Variants in SHANK2 observed in about 807,000 individuals in gnomAD.
SHANK2 encodes the protein SH3 and multiple ankyrin repeat domains 2.
Under a neutral mutation model 133.7 loss-of-function variants are expected in SHANK2, and 43 were observed. The observed-to-expected ratio is 0.32, with a 90% CI of 0.25 to 0.41. The LOEUF (loss-of-function observed/expected upper bound fraction) is 0.41. SHANK2 is among the 10% of genes least tolerant of loss of function. SHANK2 has a pLI of 1.00. For synonymous variants in SHANK2, 1,017 were observed against 952.8 expected (o/e 1.07, Z -1.24); for missense variants, 1,994 against 2,235.8 (o/e 0.89, Z 2.18).
At chr11:70,647,802 T>G (rs77976318) in intron 17 of SHANK2, among the ~76,000 whole-genome samples, 4,820 of 152,224 alleles carry the variant, frequency 0.032, 106 homozygotes, top group Non-Finnish European at 0.048. Context: ...ACGAAGGTGG[T>G]GAACTCAGCA....
intron 2 of SHANK2, among the ~76,000 whole-genome samples, chr11:71,209,483 C>A (rs1350071668): frequency 6.6e-6 from 1 of 152,156 alleles, no homozygotes; most frequent in African/African-American, 2.4e-5. Context: ...GGGTGCTCCC[C>A]TTTGCATAGG....
At chr11:71,087,959 C>T (rs1403599986) in intron 8 of SHANK2, among the ~76,000 whole-genome samples, 3 of 152,170 alleles carry the variant, frequency 2.0e-5, no homozygotes, top group African/African-American at 7.2e-5. Context: ...AGAGACGCCT[C>T]TGTCCTGTGC....
Position 70,734,121 on chromosome 11 carries a change from C to A in SHANK2, c.1778-35358G>T, listed in dbSNP as rs1946348240. ...AGGAGGCACCCCCTGAGCCGCGCAT[C>A]TGGGAGGAGCAGGTGGAGTATGCAG... On this transcript the variant is annotated intron_variant, in intron 14 of 25. Transcript: ENST00000601538. Among the ~76,000 whole-genome samples, 6 of 152,220 alleles carry A rather than the reference C, an allele frequency of 3.9e-5. No homozygotes were observed. In the South Asian group the frequency reaches 1.0e-3, roughly 26 times the overall value.
intron 15 of SHANK2, among the ~76,000 whole-genome samples, chr11:70,684,289 G>A (rs1555019004): frequency 6.6e-6 from 1 of 152,154 alleles, no homozygotes; most frequent in East Asian, 1.9e-4. Flanking sequence ...TCCTGGCTGG[G>A]CACGGCGCAT....
At chr11:70,857,029 TC>T (rs1949182555) in intron 11 of SHANK2, among the ~76,000 whole-genome samples, 1 of 152,190 alleles carries the variant, frequency 6.6e-6, no homozygotes, top group Non-Finnish European at 1.5e-5. Flanking sequence ...TAACTTATGC[TC>T]TCTGCAACAG....
At chr11:70,550,974 G>T (rs1554977809) in intron 17 of SHANK2, among the ~76,000 whole-genome samples, 1 of 152,166 alleles carries the variant, frequency 6.6e-6, no homozygotes, top group Admixed American at 6.5e-5. Context: ...AGTGGTAAAC[G>T]CTCTCCAGGA....
chr11:70,544,576 A>G (rs1227150559), intron 17 of SHANK2, among the ~76,000 whole-genome samples: 2 of 151,934 alleles, frequency 1.3e-5, no homozygotes, highest in Non-Finnish European at 2.9e-5. Context: ...AGGAGGGGCC[A>G]CCCCGCCCTC....
intron 8 of SHANK2, among the ~76,000 whole-genome samples, chr11:71,077,466 T>C (rs1009393465): frequency 6.6e-6 from 1 of 152,286 alleles, no homozygotes; most frequent in Admixed American, 6.5e-5. Flanking sequence ...CGTAGGCGTG[T>C]TCCCAAGAGC....
At chr11:70,887,655 T>C (rs557471001) in intron 11 of SHANK2, among the ~76,000 whole-genome samples, 11 of 152,262 alleles carry the variant, frequency 7.2e-5, no homozygotes, top group Admixed American at 4.6e-4. Context: ...CCCTCCTCAG[T>C]AGCAGGGAGG....
At chr11:71,091,632 G>A (rs1555094034) in intron 8 of SHANK2, among the ~76,000 whole-genome samples, 1 of 152,122 alleles carries the variant, frequency 6.6e-6, no homozygotes, top group Admixed American at 6.5e-5. Context: ...ACCCTGGCCT[G>A]CAGCCTGCAC....
chr11:70,726,387 C>A lies in SHANK2; in HGVS notation c.1778-27624G>T, dbSNP rs376035923. Among the ~76,000 whole-genome samples, 215 of 149,014 alleles carry A rather than the reference C, an allele frequency of 1.4e-3. 3 individuals carry two copies. Among genetic ancestry groups the A allele is most frequent in the African/African-American group, 5.1e-3 (206 of 40,578 alleles). Reference sequence around the variant, plus strand: ...GGTGCACTTTGTTAATTCACCAATGCCTTATGGAGCTCACATGCCAGGCTC... The same window carrying A: ...GGTGCACTTTGTTAATTCACCAATGACTTATGGAGCTCACATGCCAGGCTC... On this transcript the variant is annotated intron_variant, in intron 14 of 25. Coordinates refer to ENST00000601538, the MANE Select transcript of SHANK2 (RefSeq NM_012309.5).
At position 70,487,050 on chromosome 11, in the gene SHANK2, G is replaced by C. The variant is rs782208566; in HGVS notation, c.3243C>G (p.Ala1081=). ...SLTVSSPFAA[A]IAGAVRDREK... Reference sequence around the variant, plus strand: ...CACGGTCGCGGACGGCTCCGGCGATGGCGGCGGCAAAGGGGCTGCTGACGG... The same window carrying C: ...CACGGTCGCGGACGGCTCCGGCGATCGCGGCGGCAAAGGGGCTGCTGACGG... Residue 1081 remains alanine, a synonymous_variant, in exon 25 of 26, where the codon GCC becomes GCG. Coordinates refer to ENST00000601538, the MANE Select transcript of SHANK2 (RefSeq NM_012309.5). This position sits in a 1 kb window ranked among gnomAD's most constrained non-coding sequence, Gnocchi z 5.8. The C allele has an allele frequency of 8.7e-6, 14 of 1,608,958 alleles. No individual in the cohort carries two copies. Among genetic ancestry groups the C allele is most frequent in the Non-Finnish European group, 1.1e-5 (13 of 1,179,662 alleles).
At chr11:71,172,544 G>A (rs1953336701) in intron 2 of SHANK2, among the ~76,000 whole-genome samples, 2 of 147,756 alleles carry the variant, frequency 1.4e-5, no homozygotes, top group African/African-American at 2.5e-5. Context: ...GTTGCAGTGA[G>A]CTGAGATCGC....
intron 17 of SHANK2, among the ~76,000 whole-genome samples, chr11:70,626,246 G>A (rs184209179): frequency 1.6e-4 from 24 of 152,260 alleles, no homozygotes; most frequent in Non-Finnish European, 2.1e-4. Context: ...CATTTCAAAC[G>A]TTTTCTTTTA....
At chr11:71,153,904 A>C (rs1952850699) in intron 2 of SHANK2, among the ~76,000 whole-genome samples, 5 of 152,144 alleles carry the variant, frequency 3.3e-5, no homozygotes, top group Admixed American at 3.3e-4. Flanking sequence ...TGGGAGGCGG[A>C]GTTTGTAGTG....
intron 17 of SHANK2, among the ~76,000 whole-genome samples, chr11:70,609,205 G>A (rs1160272489): frequency 1.3e-5 from 2 of 152,340 alleles, no homozygotes; most frequent in African/African-American, 2.4e-5. Flanking sequence ...GCTCCGGGAC[G>A]GCCCACCCAA....
At chr11:70,885,868 C>T (rs536059395) in intron 11 of SHANK2, among the ~76,000 whole-genome samples, 13 of 152,276 alleles carry the variant, frequency 8.5e-5, no homozygotes, top group African/African-American at 2.9e-4. Flanking sequence ...TACACAAAGC[C>T]GGTCACCTTG....
At chr11:71,100,631 C>T (rs138340257) in intron 6 of SHANK2, among the ~76,000 whole-genome samples, 4,079 of 152,168 alleles carry the variant, frequency 0.027, 187 homozygotes, top group African/African-American at 0.094. Context: ...CACATTGGGA[C>T]GCCAAGGCGG....
At chr11:71,208,957 A>G (rs528063979) in intron 2 of SHANK2, among the ~76,000 whole-genome samples, 29 of 152,326 alleles carry the variant, frequency 1.9e-4, no homozygotes, top group African/African-American at 7.0e-4. Context: ...GTCTCCAGGA[A>G]AAGGCATCTG....
Sources: allele counts gnomAD v4.1 joint callset (sites outside exome capture counted in the v4.1 genomes callset), GRCh38; gene constraint gnomAD v4.1.1; non-coding constraint Gnocchi (gnomAD v3.1); transcripts MANE v1.5; gene names NCBI Gene and HGNC (gene_info 2026-07-23, HGNC 2026-07-21).